The following RERE variants were observed in gnomAD, a reference collection of about 807,000 sequenced individuals.
RERE encodes the protein arginine-glutamic acid dipeptide repeats protein.
Under a neutral mutation model 146.1 loss-of-function variants are expected in RERE, and 40 were observed. The observed-to-expected ratio is 0.27, with a 90% CI of 0.21 to 0.36. The LOEUF (loss-of-function observed/expected upper bound fraction) is 0.36. RERE is among the 10% of genes least tolerant of loss of function. The pLI is 1.00. For missense variants in RERE, 1,933 were observed against 2,138.7 expected, an observed-to-expected ratio of 0.90 and a Z score of 1.90; for synonymous variants, 1,003 against 866.0, an observed-to-expected ratio of 1.16 and a Z score of -2.78.
intron 3 of RERE, among the ~76,000 whole-genome samples, chr1:8,615,951 C>A (rs2124198629): frequency 6.6e-6 from 1 of 152,260 alleles, no homozygotes; most frequent in South Asian, 2.1e-4. Flanking sequence ...ATTCTCATGG[C>A]CTCAGTGATA....
chr1:8,654,927 A>T (rs909782641), intron 2 of RERE, among the ~76,000 whole-genome samples: 5 of 152,028 alleles, frequency 3.3e-5, no homozygotes, highest in African/African-American at 9.7e-5. Context: ...TGCCCAGCCT[A>T]AAAAAGGTGT....
chr1:8,585,849 T>A (rs1285535823), intron 4 of RERE, among the ~76,000 whole-genome samples: 2 of 152,208 alleles, frequency 1.3e-5, no homozygotes, highest in African/African-American at 4.8e-5. Context: ...CCATATAAAA[T>A]TATTCTAGCT....
At chr1:8,606,486 T>C (rs976145198) in intron 4 of RERE, among the ~76,000 whole-genome samples, 3 of 152,236 alleles carry the variant, frequency 2.0e-5, no homozygotes, top group African/African-American at 7.2e-5. Flanking sequence ...AGAAAAATTA[T>C]ATCTGTAAGC....
intron 17 of RERE, 89 bp from the exon 18 acceptor site, chr1:8,361,579 T>C (rs1641584380): frequency 6.5e-7 from 1 of 1,534,632 alleles, no homozygotes; most frequent in East Asian, 2.2e-5. Context: ...CAGTAATGTT[T>C]GTGCAGATGA....
At chr1:8,686,194 G>T (rs1033336180) in intron 1 of RERE, among the ~76,000 whole-genome samples, 7 of 152,014 alleles carry the variant, frequency 4.6e-5, no homozygotes, top group Non-Finnish European at 7.4e-5. Context: ...TGTTGCCCAG[G>T]ATGGTCTTGA....
At position 8,360,363 on chromosome 1, in the gene RERE, G is replaced by A. The variant is rs374576857; in HGVS notation, c.3144C>T (p.Thr1048=). 4.8e-5 allele frequency: 70 copies of A among 1,471,332 alleles called. No homozygotes were observed. The African/African-American group carries it at 7.1e-4, about 15-fold the overall frequency. The allele number at this position is 1,471,332 out of a possible 1,614,324, so 91.1% of individuals were successfully genotyped here. A position where few individuals can be genotyped will look rare whatever the true frequency, so the allele number is the denominator to read the frequency against. The stretch of plus-strand genomic sequence containing the variant: ...TAGAGGTGGAGGGGCAGGTCGGAGG[G>A]GTGATGGGAGGAGGGCCTCCAGGGA... ...PFVPGGPPPI[T]PPTCPSTSTP... The change falls in exon 18 of 23, where the codon ACC becomes ACT. Residue 1048 remains threonine, a synonymous_variant. Transcript: ENST00000400908.
intron 2 of RERE, among the ~76,000 whole-genome samples, chr1:8,636,306 G>T (rs572307481): frequency 3.1e-5 from 3 of 96,304 alleles, no homozygotes; most frequent in African/African-American, 1.2e-4. Context: ...TAATTTTAAT[G>T]GTTACTTATT....
At chr1:8,564,826 A>ATATATATGTGTGTGTGTGTG (rs1384858524) in intron 4 of RERE, among the ~76,000 whole-genome samples, 1 of 117,838 alleles carries the variant, frequency 8.5e-6, no homozygotes, top group Non-Finnish European at 1.7e-5. Context: ...GTGTGTGTAT[A>ATATATATGTGTGTGTGTGTG]TGTGTATGTG....
rs774097523 is a variant in RERE, at chr1:8,353,700, G to A, written c.*1387C>T. 3.3e-5 allele frequency: 5 copies of A among 152,294 alleles called. No homozygotes were observed. The highest frequency in any genetic ancestry group is 5.9e-5 in the Non-Finnish European group (4 of 68,078). 9.4% of individuals were successfully genotyped at this position (152,294 alleles called of 1,614,324 possible). On this transcript the variant is annotated 3_prime_UTR_variant, in exon 23 of 23. Coordinates refer to ENST00000400908, the MANE Select transcript of RERE (RefSeq NM_001042681.2). The stretch of plus-strand genomic sequence containing the variant: ...CTGAGAAGCAGCCCCCACACAGCAT[G>A]CTTTCTGAATGCACTGTGGGTGGGA...
chr1:8,714,251 T>C (rs965808016), intron 1 of RERE, among the ~76,000 whole-genome samples: 1 of 152,218 alleles, frequency 6.6e-6, no homozygotes, highest in African/African-American at 2.4e-5. Flanking sequence ...CTTTATCTTT[T>C]CCCTTATGGT....
rs569062249 is a variant in RERE at position 8,674,899 on chromosome 1, A to G, written c.-144-18458T>C. Among the ~76,000 whole-genome samples the G allele has an allele frequency of 2.2e-4, 33 of 152,316 alleles. No individual in the cohort carries two copies. The East Asian group carries it at 4.2e-3, about 20-fold the overall frequency. On this transcript the variant is annotated intron_variant, in intron 1 of 22. Transcript: ENST00000400908. ...CTCACCTGGAAAAAAGGCAATATACACTACCAGAGAACATAAATCCCAAAA... is the reference window on the plus strand; with the variant it reads ...CTCACCTGGAAAAAAGGCAATATACGCTACCAGAGAACATAAATCCCAAAA...
In RERE at chr1:8,553,118, CACAA is replaced by C. The variant is rs371133506; in HGVS notation, c.725+3353_725+3356del. ...CACAGCACCACTAGGCCAGTACATCCACAAACAATCGTGACACCACACAAGTAGG... is the reference window on the plus strand; with the variant it reads ...CACAGCACCACTAGGCCAGTACATCCACAATCGTGACACCACACAAGTAGG... On this transcript the variant is annotated intron_variant, in intron 6 of 22. Coordinates refer to ENST00000400908, the MANE Select transcript of RERE (RefSeq NM_001042681.2). Among the ~76,000 whole-genome samples, 65 of 151,792 alleles carry C rather than the reference CACAA, an allele frequency of 4.3e-4. No individual in the cohort carries two copies. The South Asian group carries it at 4.4e-3, about 10-fold the overall frequency.
intron 1 of RERE, among the ~76,000 whole-genome samples, chr1:8,811,443 C>CA (rs201536709): frequency 2.6e-5 from 4 of 151,524 alleles, no homozygotes; most frequent in East Asian, 1.9e-4. Context: ...TTGATTTCTA[C>CA]AAAAAAAAAT....
chr1:8,746,925 C>CCAGA (rs71580046), intron 1 of RERE, among the ~76,000 whole-genome samples: 35 of 149,434 alleles, frequency 2.3e-4, no homozygotes, highest in African/African-American at 8.6e-4. Context: ...AGAGACAGAG[C>CCAGA]CAGACAGACA....
At chr1:8,386,237 G>A (rs1642678257) in intron 12 of RERE, among the ~76,000 whole-genome samples, 1 of 150,490 alleles carries the variant, frequency 6.6e-6, no homozygotes, top group African/African-American at 2.4e-5. Context: ...TTTAGAATCA[G>A]AGAGACCAAA....
intron 11 of RERE, among the ~76,000 whole-genome samples, chr1:8,454,360 C>A (rs1401384230): frequency 2.0e-5 from 3 of 151,960 alleles, no homozygotes; most frequent in African/African-American, 4.8e-5. Context: ...AATCATGTGG[C>A]CAATTTTTCA....
intron 1 of RERE, among the ~76,000 whole-genome samples, chr1:8,772,937 A>C (rs1640982279): frequency 6.6e-6 from 1 of 152,188 alleles, no homozygotes; most frequent in Admixed American, 6.5e-5. Context: ...AAGTACAAAA[A>C]TTAGCCAGGC....
At chr1:8,493,813 C>T (rs1645008985) in intron 10 of RERE, among the ~76,000 whole-genome samples, 1 of 152,218 alleles carries the variant, frequency 6.6e-6, no homozygotes, top group African/African-American at 2.4e-5. Context: ...CCTACATACA[C>T]ATACACAACG....
chr1:8,663,080 A>G (rs1286027165), intron 1 of RERE, among the ~76,000 whole-genome samples: 3 of 152,204 alleles, frequency 2.0e-5, no homozygotes, highest in Non-Finnish European at 4.4e-5. Context: ...CCCTATCCTC[A>G]AGAAACTTAA....
Sources: allele counts gnomAD v4.1 joint callset (sites outside exome capture counted in the v4.1 genomes callset), GRCh38; gene constraint gnomAD v4.1.1; transcripts MANE v1.5; gene names NCBI Gene and HGNC (gene_info 2026-07-23, HGNC 2026-07-21).